The following SLC35F1 variants were observed in gnomAD, a reference collection of about 807,000 sequenced individuals.
SLC35F1 encodes the protein solute carrier family 35 member F1.
Under a neutral mutation model 48.7 loss-of-function variants are expected in SLC35F1, and 14 were observed. The ratio of observed to expected loss-of-function variants is 0.29; its 90% confidence interval spans 0.19 to 0.45. The LOEUF (loss-of-function observed/expected upper bound fraction) is 0.45, where lower values mean the gene tolerates loss of function less well. SLC35F1 is among the 20% of genes least tolerant of loss of function. SLC35F1 has a pLI of 1.00. For missense variants in SLC35F1, 404 were observed against 500.0 expected (o/e 0.81, Z 1.83); for synonymous variants, 190 against 202.2 (o/e 0.94, Z 0.51).
At chr6:118,287,404 T>G (rs1199826281) in intron 7 of SLC35F1, among the ~76,000 whole-genome samples, 1 of 152,216 alleles carries the variant, frequency 6.6e-6, no homozygotes, top group African/African-American at 2.4e-5. Context: ...GAGAATCCCT[T>G]TAATCTTCCT....
At chr6:117,914,485 G>C (rs997333564) in intron 1 of SLC35F1, among the ~76,000 whole-genome samples, 5 of 152,128 alleles carry the variant, frequency 3.3e-5, no homozygotes, top group African/African-American at 1.2e-4. Context: ...CTGGTCTGTC[G>C]TATAAGATAG....
intron 1 of SLC35F1, among the ~76,000 whole-genome samples, chr6:117,963,186 A>C (rs1436108649): frequency 6.6e-6 from 1 of 152,202 alleles, no homozygotes. Context: ...TAAGTGGCCC[A>C]AGTACATCAT....
Position 118,069,091 on chromosome 6 carries a change from G to A in SLC35F1, c.174-85354G>A, listed in dbSNP as rs187094549. On this transcript the variant is annotated intron_variant, in intron 1 of 7. Coordinates refer to ENST00000360388, the MANE Select transcript of SLC35F1 (RefSeq NM_001029858.4). ...AGAGAATAAAAAAATGATATAAAATGGTTTTCCTTTAACGTGGTTTTTAAT... is the reference window on the plus strand; with the variant it reads ...AGAGAATAAAAAAATGATATAAAATAGTTTTCCTTTAACGTGGTTTTTAAT... Among the ~76,000 whole-genome samples, 37 of 152,172 alleles carry A rather than the reference G, an allele frequency of 2.4e-4. 1 individual carries two copies. In the South Asian group the frequency reaches 3.1e-3, roughly 13 times the overall value.
At chr6:118,269,407 G>C (rs1156803927) in intron 4 of SLC35F1, among the ~76,000 whole-genome samples, 1 of 152,118 alleles carries the variant, frequency 6.6e-6, no homozygotes, top group Non-Finnish European at 1.5e-5. Flanking sequence ...TTGAAATGGT[G>C]CCCAAGTACA....
intron 2 of SLC35F1, among the ~76,000 whole-genome samples, chr6:118,192,853 A>G (rs1484429891): frequency 6.6e-6 from 1 of 152,176 alleles, no homozygotes; most frequent in Non-Finnish European, 1.5e-5. Flanking sequence ...AGGTCAGAAA[A>G]GACAATTTTG....
chr6:117,928,777 C>T (rs1400532408), intron 1 of SLC35F1, among the ~76,000 whole-genome samples: 1 of 152,078 alleles, frequency 6.6e-6, no homozygotes, highest in Non-Finnish European at 1.5e-5. Flanking sequence ...CAGCTTGCTT[C>T]AATGAGCTGT....
chr6:117,949,299 A>T (rs932526515), intron 1 of SLC35F1, among the ~76,000 whole-genome samples: 1 of 152,178 alleles, frequency 6.6e-6, no homozygotes, highest in Non-Finnish European at 1.5e-5. Flanking sequence ...ATGTTAGTTC[A>T]TTAGTCTTAA....
intron 2 of SLC35F1, among the ~76,000 whole-genome samples, chr6:118,162,516 T>C (rs1774251517): frequency 1.3e-5 from 2 of 152,192 alleles, no homozygotes; most frequent in African/African-American, 4.8e-5. Context: ...GAGAGAATTT[T>C]ATTGTATCTA....
rs759607830 is a variant in SLC35F1, at chr6:118,107,751, G to T, written c.174-46694G>T. ...CGGGTATGTGTGTGTGTCTGTGTGT[G>T]TGTGTGTGTCTATGTGAGATCAGAA... On this transcript the variant is annotated intron_variant, in intron 1 of 7. Coordinates refer to ENST00000360388, the MANE Select transcript of SLC35F1 (RefSeq NM_001029858.4). 6.1e-4 allele frequency among the ~76,000 whole-genome samples: 93 copies of T among 152,150 alleles called. 1 individual carries two copies. Among genetic ancestry groups the T allele is most frequent in the Non-Finnish European group, 8.8e-5 (6 of 68,010 alleles).
chr6:118,266,419 T>C (rs1211416132), intron 3 of SLC35F1, among the ~76,000 whole-genome samples: 1 of 152,230 alleles, frequency 6.6e-6, no homozygotes, highest in Non-Finnish European at 1.5e-5. Context: ...GAGACTCATA[T>C]TTGTATTTAT....
At chr6:117,908,076 G>C (rs1215374777) in intron 1 of SLC35F1, among the ~76,000 whole-genome samples, 177 bp downstream of exon 1, 1 of 152,222 alleles carries the variant, frequency 6.6e-6, no homozygotes, top group Non-Finnish European at 1.5e-5. Flanking sequence ...CGGCAGCTTT[G>C]TCCCGGCGCA....
At chr6:118,308,866 C>T (rs1294823753) in intron 7 of SLC35F1, among the ~76,000 whole-genome samples, 69 of 152,166 alleles carry the variant, frequency 4.5e-4, no homozygotes, top group Non-Finnish European at 8.8e-5. Context: ...ACATCTGTTT[C>T]AATGGCAGGC....
intron 2 of SLC35F1, among the ~76,000 whole-genome samples, chr6:118,175,865 G>A (rs1300354583): frequency 6.6e-6 from 1 of 152,010 alleles, no homozygotes; most frequent in Non-Finnish European, 1.5e-5. Context: ...TCCATAGTTT[G>A]CTCATCTAAT....
chr6:118,039,744 T>G (rs1434814003), intron 1 of SLC35F1, among the ~76,000 whole-genome samples: 1 of 151,656 alleles, frequency 6.6e-6, no homozygotes, highest in East Asian at 1.9e-4. Flanking sequence ...GTAGCAAAAT[T>G]GTAGTAGCTG....
At chr6:117,972,917 A>G (rs1359847218) in intron 1 of SLC35F1, among the ~76,000 whole-genome samples, 1 of 152,224 alleles carries the variant, frequency 6.6e-6, no homozygotes, top group Non-Finnish European at 1.5e-5. Context: ...TAATAAGTTT[A>G]CAAGCATTAT....
intron 1 of SLC35F1, among the ~76,000 whole-genome samples, chr6:118,033,585 A>G (rs1362555270): frequency 6.6e-6 from 1 of 150,626 alleles, no homozygotes; most frequent in African/African-American, 2.4e-5. Flanking sequence ...ACAATAATAT[A>G]TGTTTGCATT....
At chr6:118,093,819 C>A (rs960395472) in intron 1 of SLC35F1, among the ~76,000 whole-genome samples, 1 of 152,140 alleles carries the variant, frequency 6.6e-6, no homozygotes, top group African/African-American at 2.4e-5. Flanking sequence ...GAAGAGTATC[C>A]AGTAAGGTCG....
chr6:118,286,648 G>T (rs1776052136), intron 7 of SLC35F1, among the ~76,000 whole-genome samples: 1 of 152,094 alleles, frequency 6.6e-6, no homozygotes, highest in Admixed American at 6.6e-5. Context: ...TATAACTGAG[G>T]AATAAAAATT....
chr6:118,279,007 G>T (rs1261368418), intron 6 of SLC35F1, among the ~76,000 whole-genome samples: 1 of 152,148 alleles, frequency 6.6e-6, no homozygotes, highest in African/African-American at 2.4e-5. Flanking sequence ...AGTTGAAGAT[G>T]ATGAAGGACA....
Sources: gnomAD v4.1 joint callset for allele counts (sites outside exome capture counted in the v4.1 genomes callset) on GRCh38, gnomAD v4.1.1 for gene constraint, MANE v1.5 for transcripts, NCBI Gene and HGNC (gene_info 2026-07-23, HGNC 2026-07-21) for gene names.